RPS6KC1: variants seen among roughly 807,000 people sequenced by gnomAD.
RPS6KC1 encodes the protein ribosomal protein S6 kinase C1.
Under a neutral mutation model 103.8 loss-of-function variants are expected in RPS6KC1, and 54 were observed. The ratio of observed to expected loss-of-function variants is 0.52; its 90% CI spans 0.42 to 0.65. RPS6KC1 has a LOEUF of 0.65. Among genes scored for constraint, RPS6KC1 ranks in the 30% least tolerant of loss-of-function variants. The pLI is 0.00. For missense variants in RPS6KC1, 1,151 were observed against 1,253.8 expected (o/e 0.92, Z 1.24); for synonymous variants, 439 against 438.7 (o/e 1.00, Z -0.01).
At chr1:213,696,659 A>G in the RPS6KC1 span, among the ~76,000 whole-genome samples, 8 of 152,220 alleles carry the variant, frequency 5.3e-5, no homozygotes, top group Non-Finnish European at 8.8e-5. Flanking sequence ...TCTTAATTCC[A>G]TATTTTCATG....
chr1:213,477,286 A>G, the RPS6KC1 span, among the ~76,000 whole-genome samples: 1 of 152,144 alleles, frequency 6.6e-6, no homozygotes, highest in African/African-American at 2.4e-5. Flanking sequence ...TCTGTTTTAC[A>G]AAGTTCAAAA....
chr1:213,428,464 TCCTCCCTC>T, the RPS6KC1 span, among the ~76,000 whole-genome samples: 636 of 48,582 alleles, frequency 0.013, 30 homozygotes, highest in African/African-American at 0.047. Flanking sequence ...CTTCCTTCTT[TCCTCCCTC>T]CCTCCCTCCC....
the RPS6KC1 span, among the ~76,000 whole-genome samples, chr1:213,490,560 G>A: frequency 1.3e-5 from 2 of 152,140 alleles, no homozygotes; most frequent in African/African-American, 2.4e-5. Context: ...TTCCAGTGCA[G>A]CAGATGGCCC....
chr1:213,170,636 C>T (rs2091398797), intron 7 of RPS6KC1, among the ~76,000 whole-genome samples: 1 of 152,150 alleles, frequency 6.6e-6, no homozygotes, highest in African/African-American at 2.4e-5. Context: ...TTTTTCGGTT[C>T]TTAGGCAAGG....
At chr1:213,427,513 T>C in the RPS6KC1 span, among the ~76,000 whole-genome samples, 17 of 152,252 alleles carry the variant, frequency 1.1e-4, no homozygotes, top group African/African-American at 4.1e-4. Flanking sequence ...TATGTGCTAA[T>C]GTCACTAAAA....
chr1:213,205,748 A>G (rs2093333227), intron 8 of RPS6KC1, among the ~76,000 whole-genome samples: 1 of 151,616 alleles, frequency 6.6e-6, no homozygotes, highest in Non-Finnish European at 1.5e-5. Flanking sequence ...TTGATATTTT[A>G]TTCTGTATCC....
the RPS6KC1 span, among the ~76,000 whole-genome samples, chr1:213,854,510 CTCTTTCTTTCTTTCTTTCTTTCTT>C: frequency 1.7e-5 from 2 of 120,926 alleles, no homozygotes; most frequent in African/African-American, 6.3e-5. Context: ...CTCTTTCTTT[CTCTTTCTTTCTTTCTTTCTTTCTT>C]TCTTTCTTTC....
intron 10 of RPS6KC1, among the ~76,000 whole-genome samples, chr1:213,237,561 A>AT (rs2094251162): frequency 2.0e-5 from 3 of 151,942 alleles, no homozygotes; most frequent in Non-Finnish European, 4.4e-5. Flanking sequence ...TGTAGGACAG[A>AT]TTTTTTTCAA....
the RPS6KC1 span, among the ~76,000 whole-genome samples, chr1:213,781,187 T>C: frequency 1.3e-5 from 2 of 152,340 alleles, no homozygotes; most frequent in Admixed American, 1.3e-4. Context: ...TCACTGGTTA[T>C]AAATTTCCTT....
chr1:213,120,476 AG>A (rs1373600944), intron 5 of RPS6KC1, among the ~76,000 whole-genome samples: 1 of 152,182 alleles, frequency 6.6e-6, no homozygotes, highest in East Asian at 1.9e-4. Flanking sequence ...TCATACCAAA[AG>A]GTCTGCAAAC....
the RPS6KC1 span, among the ~76,000 whole-genome samples, chr1:213,467,979 C>T: frequency 3.0e-3 from 455 of 152,222 alleles, 2 homozygotes; most frequent in African/African-American, 0.01. Context: ...TAAACAATTA[C>T]GAAGAAAAAG....
At chr1:213,712,768 A>G in the RPS6KC1 span, among the ~76,000 whole-genome samples, 1 of 152,136 alleles carries the variant, frequency 6.6e-6, no homozygotes. Flanking sequence ...TTGGGGAGGG[A>G]GTTCCCCGAT....
At chr1:213,476,040 G>GCTGGTGTGA in the RPS6KC1 span, among the ~76,000 whole-genome samples, 63 of 151,960 alleles carry the variant, frequency 4.1e-4, 1 homozygote, top group East Asian at 4.5e-3. Flanking sequence ...GCCCACAGTG[G>GCTGGTGTGA]CTGGTGTGAC....
intron 6 of RPS6KC1, among the ~76,000 whole-genome samples, chr1:213,159,932 C>T (rs1387406888): frequency 2.0e-5 from 3 of 151,952 alleles, no homozygotes; most frequent in African/African-American, 4.8e-5. Context: ...CAAATGAAAC[C>T]CAAAAAACCC....
At chr1:213,223,072 G>A (rs538313732) in intron 8 of RPS6KC1, among the ~76,000 whole-genome samples, 1 of 151,608 alleles carries the variant, frequency 6.6e-6, no homozygotes, top group African/African-American at 2.4e-5. Flanking sequence ...CATTCTTTCT[G>A]TTGTCATTAT....
At chr1:213,414,050 C>A in the RPS6KC1 span, among the ~76,000 whole-genome samples, 3 of 152,166 alleles carry the variant, frequency 2.0e-5, no homozygotes, top group South Asian at 2.1e-4. Flanking sequence ...TGTGGTGAGA[C>A]CTAATGACCA....
chr1:213,624,211 G>C, the RPS6KC1 span, among the ~76,000 whole-genome samples: 2 of 152,178 alleles, frequency 1.3e-5, no homozygotes, highest in Non-Finnish European at 2.9e-5. Context: ...TAACTTTAAA[G>C]GGCTGGCATA....
chr1:213,379,620 G>A, the RPS6KC1 span, among the ~76,000 whole-genome samples: 1 of 152,138 alleles, frequency 6.6e-6, no homozygotes, highest in Admixed American at 6.5e-5. Context: ...CTTTGTTATG[G>A]CAGCTCTAGC....
the RPS6KC1 span, among the ~76,000 whole-genome samples, chr1:213,836,826 G>C: frequency 1.2e-3 from 180 of 152,226 alleles, 1 homozygote; most frequent in African/African-American, 4.1e-3. Flanking sequence ...TCACTAACGT[G>C]TCAGGACCCA....
Sources: allele counts gnomAD v4.1 joint callset (sites outside exome capture counted in the v4.1 genomes callset), GRCh38; gene constraint gnomAD v4.1.1; transcripts MANE v1.5; gene names NCBI Gene and HGNC (gene_info 2026-07-23, HGNC 2026-07-21).